Variants in PDIA6 observed in about 807,000 individuals in gnomAD.
The protein encoded by PDIA6 is protein disulfide-isomerase A6.
PDIA6 carries 29 observed loss-of-function variants against 58.4 expected under a neutral mutation model. The observed-to-expected ratio is 0.50, with a 90% CI of 0.37 to 0.68. The LOEUF is 0.68. PDIA6 is among the 30% of genes least tolerant of loss of function. PDIA6 has a pLI of 0.00. For missense variants in PDIA6, 480 were observed against 551.0 expected (o/e 0.87, Z 1.29); for synonymous variants, 192 against 202.6 (o/e 0.95, Z 0.44).
upstream of PDIA6, among the ~76,000 whole-genome samples, chr2:10,834,179 G>A (rs7587328): frequency 0.017 from 2,654 of 152,344 alleles, 90 homozygotes; most frequent in African/African-American, 0.062. Flanking sequence ...AGCAGCAATT[G>A]CATGATTTCA....
chr2:10,831,945 A>C (rs1479633675), intron 1 of PDIA6, among the ~76,000 whole-genome samples: 1 of 145,592 alleles, frequency 6.9e-6, no homozygotes, highest in African/African-American at 2.5e-5. Flanking sequence ...AGAGGCGGGC[A>C]AGCCAGGGTC....
At chr2:10,805,879 G>C (rs1220593772) in intron 1 of PDIA6, among the ~76,000 whole-genome samples, 8 of 76,076 alleles carry the variant, frequency 1.1e-4, no homozygotes, top group Non-Finnish European at 2.2e-4. Context: ...ATGGACACAG[G>C]AAGGGGAATA....
At chr2:10,796,197 T>G (rs28451630) in intron 4 of PDIA6, among the ~76,000 whole-genome samples, 74,229 of 151,588 alleles carry the variant, frequency 0.49, 19,684 homozygotes, top group Middle Eastern at 0.59. Context: ...GGGACTACAG[T>G]CACCCACCAC....
At chr2:10,803,912 T>TTTTTTTTG (rs2148555031) in intron 1 of PDIA6, among the ~76,000 whole-genome samples, 1 of 54,048 alleles carries the variant, frequency 1.9e-5, no homozygotes, top group East Asian at 5.2e-4. Flanking sequence ...AGTTTTTGTG[T>TTTTTTTTG]TTTTTTTTTT....
intron 4 of PDIA6, 97 bp downstream of exon 4, chr2:10,796,984 G>A (rs745420438): frequency 3.0e-6 from 3 of 992,572 alleles, no homozygotes; most frequent in Admixed American, 1.9e-5. Flanking sequence ...GTACAATGAG[G>A]TTGAGAACCT....
chr2:10,817,617 G>A (rs1236534898), upstream of PDIA6, among the ~76,000 whole-genome samples: 2 of 152,206 alleles, frequency 1.3e-5, no homozygotes, highest in Non-Finnish European at 2.9e-5. Context: ...GAATGGGAGA[G>A]GAGGTGATAA....
chr2:10,822,709 C>T (rs764955645), intron 1 of PDIA6, among the ~76,000 whole-genome samples: 82 of 152,198 alleles, frequency 5.4e-4, no homozygotes, highest in Non-Finnish European at 1.1e-3. Flanking sequence ...AGCTTGGGAT[C>T]GGTGCAGTAG....
chr2:10,791,918 C>G lies in PDIA6; in HGVS notation c.461G>C (p.Ser154Thr). The change falls in exon 6 of 13, where the codon AGT becomes ACT. Residue 154 changes from serine to threonine, a missense_variant. Transcript: ENST00000272227. ...CACATCCTTCTTACTTGAACTATCA[C>G]TTCTGCCCTGTCATTTATGACATTA... ...GGYSSGKQGR[S>T]DSSSKKDVIE... 6.2e-7 allele frequency: 1 copy of G among 1,613,272 alleles called. No individual in the cohort carries two copies. The highest frequency in any genetic ancestry group is 8.5e-7 in the Non-Finnish European group (1 of 1,179,820).
Position 10,812,785 on chromosome 2 carries a change from C to A in PDIA6, c.-89G>T, listed in dbSNP as rs529192569. On this transcript the variant is annotated 5_prime_UTR_variant, in exon 1 of 13. Coordinates refer to ENST00000272227, the MANE Select transcript of PDIA6 (RefSeq NM_005742.4). ...ACGCCGCGCCCCCGCGCCCACGTCC[C>A]GCCCCAGGCCAGTCCGGTGGTCCGA... The A allele has an allele frequency of 4.0e-6, 5 of 1,261,252 alleles. No individual in the cohort carries two copies. Among genetic ancestry groups the A allele is most frequent in the East Asian group, 6.9e-5 (2 of 29,098 alleles). 78.1% of individuals were successfully genotyped at this position (1,261,252 alleles called of 1,614,324 possible).
chr2:10,816,767 T>G (rs10200007), upstream of PDIA6, among the ~76,000 whole-genome samples: 18,634 of 152,072 alleles, frequency 0.12, 1,408 homozygotes, highest in African/African-American at 0.2. Context: ...CCTAGAATCA[T>G]GTTGTAGCAG....
chr2:10,810,242 C>T, intron 1 of PDIA6: 5 of 1,419,442 alleles, frequency 3.5e-6, no homozygotes, highest in East Asian at 2.5e-5. Context: ...GGATAACTTA[C>T]CTAAGATCAT....
chr2:10,796,899 G>A (rs1412998719), intron 4 of PDIA6, among the ~76,000 whole-genome samples, 182 bp downstream of exon 4: 1 of 152,214 alleles, frequency 6.6e-6, no homozygotes. Flanking sequence ...AGACAAACCT[G>A]TGTGACACAT....
exon 1 of PDIA6, chr2:10,832,228 G>A (rs937060004): frequency 4.1e-5 from 7 of 169,956 alleles, no homozygotes; most frequent in Non-Finnish European, 7.1e-5. Context: ...TTCACCGAAA[G>A]GCAGGCTTAA....
intron 1 of PDIA6, chr2:10,819,434 C>A: frequency 1.2e-6 from 1 of 823,534 alleles, no homozygotes; most frequent in South Asian, 1.6e-5. Flanking sequence ...TGCCAGGCTC[C>A]ACGTATTTAC....
At position 10,790,718 on chromosome 2, in the gene PDIA6, C is replaced by T; in HGVS notation, c.699+1G>A. Reference sequence around the variant, plus strand: ...GAAATGAGCCTTATAAGTATACTCACCCCGTATCGGGAGGCCAGAACCTGA... The same window carrying T: ...GAAATGAGCCTTATAAGTATACTCATCCCGTATCGGGAGGCCAGAACCTGA... On this transcript the variant is annotated splice_donor_variant, in intron 7 of 12. Transcript: ENST00000272227. LOFTEE classifies it high-confidence loss of function. 2.5e-6 allele frequency: 4 copies of T among 1,601,030 alleles called. No individual in the cohort carries two copies. Among genetic ancestry groups the T allele is most frequent in the Non-Finnish European group, 3.4e-6 (4 of 1,168,006 alleles).
At chr2:10,810,352 T>C (rs1266940693) in intron 1 of PDIA6, 2 of 1,516,686 alleles carry the variant, frequency 1.3e-6, no homozygotes, top group African/African-American at 2.8e-5. Flanking sequence ...TTAGGTACTT[T>C]CACTTCTCTT....
chr2:10,792,047 T>C, intron 5 of PDIA6, 122 bp from the exon 6 acceptor site: 1 of 1,046,238 alleles, frequency 9.6e-7, no homozygotes. Flanking sequence ...GTGAATAAAA[T>C]AGTGAAAACG....
At chr2:10,813,160 C>T (rs1006244013), upstream of PDIA6, among the ~76,000 whole-genome samples, 1 of 152,140 alleles carries the variant, frequency 6.6e-6, no homozygotes, top group African/African-American at 2.4e-5. Context: ...CCCGGGGGAG[C>T]GTGACTCGGC....
chr2:10,803,900 C>G (rs1238275083), intron 1 of PDIA6, among the ~76,000 whole-genome samples: 1 of 121,518 alleles, frequency 8.2e-6, no homozygotes, highest in Non-Finnish European at 1.9e-5. Context: ...TGTTTGTGTC[C>G]TAGTTTTTGT....
Sources: allele counts gnomAD v4.1 joint callset (sites outside exome capture counted in the v4.1 genomes callset), GRCh38; gene constraint gnomAD v4.1.1; transcripts MANE v1.5; gene names NCBI Gene and HGNC (gene_info 2026-07-23, HGNC 2026-07-21).